The following USH2A variants were observed in gnomAD, a reference collection of about 807,000 sequenced individuals.
USH2A encodes the protein usherin.
Under a neutral mutation model 538.9 loss-of-function variants are expected in USH2A, and 443 were observed. That is an observed-to-expected ratio of 0.82 (90% CI 0.76 to 0.89). The LOEUF (loss-of-function observed/expected upper bound fraction) is 0.89. Among genes scored for constraint, USH2A ranks in the 40% least tolerant of loss-of-function variants. The pLI, the probability that USH2A is intolerant of heterozygous loss-of-function variation, is 0.00. For synonymous variants in USH2A, 2,413 were observed against 2,273.5 expected, an observed-to-expected ratio of 1.06 and a Z score of -1.75; for missense variants, 6,633 against 6,324.8, an observed-to-expected ratio of 1.05 and a Z score of -1.65.
intron 9 of USH2A, among the ~76,000 whole-genome samples, chr1:216,298,594 G>GA (rs2037150979): frequency 1.3e-5 from 2 of 152,138 alleles, no homozygotes; most frequent in Admixed American, 6.5e-5. Flanking sequence ...CTTTTGTGGA[G>GA]AAAAAAACCC....
At chr1:216,224,271 C>T (rs2035519563) in intron 14 of USH2A, among the ~76,000 whole-genome samples, 1 of 152,058 alleles carries the variant, frequency 6.6e-6, no homozygotes. Context: ...GAGGACAGTG[C>T]CAGTAAGTGC....
At position 215,634,675 on chromosome 1, in the gene USH2A, C is replaced by CT; in HGVS notation, c.15080dup (p.Lys5028GlufsTer150). On this transcript the variant is annotated frameshift_variant, in exon 70 of 72. Transcript: ENST00000307340. LOFTEE classifies it high-confidence loss of function. ...CTGTGCTTTTGCTCCGCGATCCCTT[C>CT]TTTTTCCCAGGAGTTGTTAGGACCA... The CT allele has an allele frequency of 6.2e-7, 1 of 1,614,244 alleles. No homozygotes were observed. The highest frequency in any genetic ancestry group is 1.1e-5 in the South Asian group (1 of 91,084).
chr1:215,767,340 C>T (rs906822997), intron 55 of USH2A, among the ~76,000 whole-genome samples: 3 of 152,154 alleles, frequency 2.0e-5, no homozygotes, highest in Non-Finnish European at 4.4e-5. Context: ...GCAATTGCTT[C>T]TTATATAAAT....
rs181995100 is a variant in USH2A at position 215,694,504 on chromosome 1, C to A, written c.12067-14128G>T. 2.6e-5 allele frequency among the ~76,000 whole-genome samples: 4 copies of A among 152,238 alleles called. No homozygotes were observed. In the East Asian group the frequency reaches 7.7e-4, roughly 29 times the overall value. ...AGGAGAATGGCGTGAACCCGGGAGGCGGAGCTTACGGTTAGCCGAGATCAC... is the reference window on the plus strand; with the variant it reads ...AGGAGAATGGCGTGAACCCGGGAGGAGGAGCTTACGGTTAGCCGAGATCAC... On this transcript the variant is annotated intron_variant, in intron 61 of 71. Transcript: ENST00000307340.
chr1:216,102,511 AC>A (rs1314597355), intron 21 of USH2A, among the ~76,000 whole-genome samples: 2 of 152,088 alleles, frequency 1.3e-5, no homozygotes, highest in African/African-American at 4.8e-5. Flanking sequence ...ATTAAGTTAT[AC>A]TTGTGGGCCG....
intron 58 of USH2A, among the ~76,000 whole-genome samples, chr1:215,752,229 T>C (rs1291750400): frequency 1.3e-5 from 2 of 152,164 alleles, no homozygotes; most frequent in Non-Finnish European, 2.9e-5. Context: ...CATAATAAAT[T>C]GTGGAGGCTC....
intron 36 of USH2A, among the ~76,000 whole-genome samples, chr1:215,969,287 A>G (rs149238878): frequency 2.0e-3 from 301 of 152,294 alleles, no homozygotes; most frequent in African/African-American, 7.0e-3. Flanking sequence ...GAATGAATGA[A>G]GCCATGGCAG....
chr1:215,900,599 G>A, intron 39 of USH2A, 156 bp downstream of exon 39: 2 of 1,022,038 alleles, frequency 2.0e-6, no homozygotes, highest in Middle Eastern at 3.1e-4. Context: ...AGATATTTTT[G>A]CAAAGCAAAT....
chr1:215,999,719 G>A (rs575067419), intron 33 of USH2A, among the ~76,000 whole-genome samples: 1 of 152,144 alleles, frequency 6.6e-6, no homozygotes, highest in Non-Finnish European at 1.5e-5. Flanking sequence ...AAGTAACGTG[G>A]CTTGGCTTAG....
At chr1:215,851,188 C>G (rs910211914) in intron 44 of USH2A, among the ~76,000 whole-genome samples, 1 of 151,828 alleles carries the variant, frequency 6.6e-6, no homozygotes, top group Non-Finnish European at 1.5e-5. Context: ...AAGAAATAAC[C>G]AAAATCAAAG....
intron 61 of USH2A, among the ~76,000 whole-genome samples, chr1:215,694,427 G>T (rs1461797588): frequency 1.3e-5 from 2 of 152,116 alleles, no homozygotes; most frequent in African/African-American, 4.8e-5. Flanking sequence ...CCAAAAATTA[G>T]ACGGGCGTGG....
At chr1:216,234,709 C>G (rs2035771998) in intron 13 of USH2A, among the ~76,000 whole-genome samples, 1 of 151,926 alleles carries the variant, frequency 6.6e-6, no homozygotes, top group Non-Finnish European at 1.5e-5. Context: ...TGCAATAGCT[C>G]CAAGCCACAG....
chr1:216,016,026 A>C (rs918379907), intron 32 of USH2A, among the ~76,000 whole-genome samples: 1 of 152,188 alleles, frequency 6.6e-6, no homozygotes, highest in African/African-American at 2.4e-5. Flanking sequence ...AAAAAGGATG[A>C]GTTCATGTCC....
At chr1:216,220,344 G>A (rs2035431660) in intron 14 of USH2A, among the ~76,000 whole-genome samples, 1 of 150,712 alleles carries the variant, frequency 6.6e-6, no homozygotes, top group Non-Finnish European at 1.5e-5. Flanking sequence ...CATCAAGGAT[G>A]TAGAGATGAA....
chr1:216,070,412 AT>A, intron 29 of USH2A, 120 bp from the exon 30 acceptor site: 1 of 934,722 alleles, frequency 1.1e-6, no homozygotes, highest in Non-Finnish European at 1.7e-6. Flanking sequence ...AATACAATTT[AT>A]TAGAGTTGTA....
At chr1:215,729,036 G>A (rs1252376630) in intron 60 of USH2A, among the ~76,000 whole-genome samples, 2 of 152,214 alleles carry the variant, frequency 1.3e-5, no homozygotes, top group South Asian at 2.1e-4. Flanking sequence ...GGCCTTTTGC[G>A]AGTATGCTCG....
chr1:215,999,031 C>G lies in USH2A; in HGVS notation c.6513G>C (p.Gly2171=), dbSNP rs876657629. The G allele has an allele frequency of 3.7e-6, 6 of 1,612,274 alleles. No individual in the cohort carries two copies. The African/African-American group carries it at 8.0e-5, about 22-fold the overall frequency. ...TATATAATACATAGCGTTCCAGAAT[C>G]CCACTTATTTTTCTTGGTTGTTTCC... The part of the protein sequence containing the change: ...IQWKQPRKIS[G]ILERYVLYMS... Residue 2171 remains glycine, a synonymous_variant, in exon 34 of 72, where the codon GGG becomes GGC. Transcript: ENST00000307340.
chr1:215,709,645 T>TAA (rs5780846), intron 61 of USH2A, among the ~76,000 whole-genome samples: 14 of 127,004 alleles, frequency 1.1e-4, no homozygotes, highest in Non-Finnish European at 1.6e-4. Context: ...AGATAATTTG[T>TAA]AAAAAAAAAA....
Position 216,111,717 on chromosome 1 carries a change from A to G in USH2A, c.4628-14504T>C, listed in dbSNP as rs1303867850. ...TATACTTTTTTCAGGAAACTACAGT[A>G]TGGAAAATCTAGTATGCATAGGCTT... On this transcript the variant is annotated intron_variant, in intron 21 of 71. Coordinates refer to ENST00000307340, the MANE Select transcript of USH2A (RefSeq NM_206933.4). 4.0e-5 allele frequency among the ~76,000 whole-genome samples: 6 copies of G among 151,154 alleles called. No homozygotes were observed. The Admixed American group carries it at 4.0e-4, about 10-fold the overall frequency.
Sources: gnomAD v4.1 joint callset for allele counts (sites outside exome capture counted in the v4.1 genomes callset) on GRCh38, gnomAD v4.1.1 for gene constraint, MANE v1.5 for transcripts, NCBI Gene and HGNC (gene_info 2026-07-23, HGNC 2026-07-21) for gene names.